Variants in ANKRD6 observed in about 807,000 individuals in gnomAD.
The protein encoded by ANKRD6 is ankyrin repeat domain 6.
In ANKRD6, 56 loss-of-function variants were observed where a neutral mutation model predicts 82.3. That is an observed-to-expected ratio of 0.68 (90% CI 0.55 to 0.85). The LOEUF is 0.85. Ranked by LOEUF, ANKRD6 falls within the 40% of genes least tolerant of loss-of-function variation. The probability of loss-of-function intolerance (pLI) is 0.00; values close to 1 mark genes in which losing one functional copy is unlikely to be tolerated. For missense variants in ANKRD6, 852 were observed against 907.6 expected, an observed-to-expected ratio of 0.94 and a Z score of 0.79; for synonymous variants, 347 against 352.1, an observed-to-expected ratio of 0.99 and a Z score of 0.16.
At chr6:89,593,546 A>G (rs574152778) in intron 2 of ANKRD6, among the ~76,000 whole-genome samples, 1 of 152,338 alleles carries the variant, frequency 6.6e-6, no homozygotes, top group East Asian at 1.9e-4. Context: ...TCTTTCCAGA[A>G]TCATTCTAGT....
intron 1 of ANKRD6, among the ~76,000 whole-genome samples, chr6:89,565,845 C>G (rs1278200139): frequency 6.6e-6 from 1 of 152,184 alleles, no homozygotes; most frequent in African/African-American, 2.4e-5. Flanking sequence ...TTTTAAAATG[C>G]AAAGAAGCCC....
At chr6:89,591,708 GCTTT>G (rs1794955028) in intron 2 of ANKRD6, among the ~76,000 whole-genome samples, 1 of 152,226 alleles carries the variant, frequency 6.6e-6, no homozygotes, top group South Asian at 2.1e-4. Context: ...CATGTCTGCT[GCTTT>G]CTTGCTTTTC....
At chr6:89,501,734 A>G (rs902448689) in intron 1 of ANKRD6, among the ~76,000 whole-genome samples, 31 of 152,204 alleles carry the variant, frequency 2.0e-4, no homozygotes, top group African/African-American at 7.2e-4. Flanking sequence ...TGTTACACCA[A>G]AGTGAATGGG....
At chr6:89,609,370 C>T (rs547757323) in intron 5 of ANKRD6, among the ~76,000 whole-genome samples, 4 of 152,040 alleles carry the variant, frequency 2.6e-5, no homozygotes, top group East Asian at 3.9e-4. Flanking sequence ...GGCTCAATCT[C>T]GGCTCACTGC....
intron 1 of ANKRD6, among the ~76,000 whole-genome samples, chr6:89,479,042 T>C (rs1776447357): frequency 6.6e-6 from 1 of 152,162 alleles, no homozygotes; most frequent in Non-Finnish European, 1.5e-5. Context: ...AATATTTACT[T>C]TGTGCTAGGC....
intron 1 of ANKRD6, among the ~76,000 whole-genome samples, chr6:89,487,286 G>A (rs1350110503): frequency 6.6e-6 from 1 of 152,158 alleles, no homozygotes; most frequent in African/African-American, 2.4e-5. Context: ...ATCAGCACCA[G>A]CATCACCATG....
At chr6:89,467,571 T>G (rs1414292183) in intron 1 of ANKRD6, among the ~76,000 whole-genome samples, 1 of 152,220 alleles carries the variant, frequency 6.6e-6, no homozygotes, top group Non-Finnish European at 1.5e-5. Context: ...TAGCTCCCCA[T>G]GTAGATCAAA....
chr6:89,441,956 G>A (rs1327991446), intron 1 of ANKRD6, among the ~76,000 whole-genome samples: 3 of 151,606 alleles, frequency 2.0e-5, no homozygotes, highest in Non-Finnish European at 4.4e-5. Flanking sequence ...AGAGGTCCTC[G>A]GAACATGTGT....
intron 3 of ANKRD6, 121 bp downstream of exon 3, chr6:89,596,135 T>G: frequency 1.2e-6 from 1 of 835,114 alleles, no homozygotes; most frequent in Non-Finnish European, 2.0e-6. Flanking sequence ...ACATTTTAGC[T>G]GCATCTTGGT....
At chr6:89,441,438 C>T (rs1283629514) in intron 1 of ANKRD6, among the ~76,000 whole-genome samples, 1 of 152,152 alleles carries the variant, frequency 6.6e-6, no homozygotes. Flanking sequence ...CAGGCATGAG[C>T]CACTGCACCT....
At chr6:89,466,525 TATC>T (rs971566317) in intron 1 of ANKRD6, among the ~76,000 whole-genome samples, 1 of 152,202 alleles carries the variant, frequency 6.6e-6, no homozygotes, top group African/African-American at 2.4e-5. Context: ...CATTTTATCT[TATC>T]ATTTTATTCT....
chr6:89,623,356 GA>G, intron 10 of ANKRD6, 53 bp from the exon 11 acceptor site: 21 of 1,552,496 alleles, frequency 1.4e-5, no homozygotes, highest in South Asian at 1.1e-4. Context: ...CCATATTAGT[GA>G]AAAAGGCCAA....
intron 1 of ANKRD6, among the ~76,000 whole-genome samples, chr6:89,438,885 C>T (rs1037541686): frequency 2.6e-5 from 4 of 152,108 alleles, no homozygotes; most frequent in East Asian, 1.9e-4. Flanking sequence ...TCAGGTGATC[C>T]GCCGGCCTCG....
At chr6:89,445,132 C>T (rs1296726823) in intron 1 of ANKRD6, among the ~76,000 whole-genome samples, 2 of 152,088 alleles carry the variant, frequency 1.3e-5, no homozygotes, top group Admixed American at 1.3e-4. Flanking sequence ...GAGCGTCTAT[C>T]AATACCATTT....
At chr6:89,560,611 G>A (rs576654191) in intron 1 of ANKRD6, among the ~76,000 whole-genome samples, 1 of 152,264 alleles carries the variant, frequency 6.6e-6, no homozygotes, top group South Asian at 2.1e-4. Flanking sequence ...ATCACCTCAG[G>A]TCAGGAGTTT....
At chr6:89,472,641 A>G (rs1375710168) in intron 1 of ANKRD6, among the ~76,000 whole-genome samples, 2 of 152,186 alleles carry the variant, frequency 1.3e-5, no homozygotes, top group African/African-American at 4.8e-5. Context: ...GCAGAGCTCT[A>G]ATCTAAACTG....
At chr6:89,550,871 G>C (rs1374384904) in intron 1 of ANKRD6, among the ~76,000 whole-genome samples, 1 of 152,054 alleles carries the variant, frequency 6.6e-6, no homozygotes, top group East Asian at 1.9e-4. Context: ...CAGGAGAATC[G>C]CTTGAACTCA....
intron 2 of ANKRD6, among the ~76,000 whole-genome samples, chr6:89,581,033 A>C (rs1346879184): frequency 6.6e-6 from 1 of 152,062 alleles, no homozygotes; most frequent in East Asian, 1.9e-4. Flanking sequence ...TGCTGCCCCC[A>C]CCACTCAGTG....
chr6:89,541,139 AT>A (rs532002977), intron 1 of ANKRD6, among the ~76,000 whole-genome samples: 18 of 150,884 alleles, frequency 1.2e-4, no homozygotes, highest in African/African-American at 4.1e-4. Flanking sequence ...AAATTTTAGG[AT>A]TTTTTTTTCT....
Sources: gnomAD v4.1 joint callset for allele counts (sites outside exome capture counted in the v4.1 genomes callset) on GRCh38, gnomAD v4.1.1 for gene constraint, MANE v1.5 for transcripts, NCBI Gene and HGNC (gene_info 2026-07-23, HGNC 2026-07-21) for gene names.